Variants in SLC27A2 observed in about 807,000 individuals in gnomAD.
The protein encoded by SLC27A2 is solute carrier family 27 member 2.
In SLC27A2, 54 loss-of-function variants were observed where a neutral mutation model predicts 60.0. That is an observed-to-expected ratio of 0.90 (90% CI 0.72 to 1.13). The LOEUF (loss-of-function observed/expected upper bound fraction) is 1.13, where lower values mean the gene tolerates loss of function less well. Ranked by LOEUF, SLC27A2 falls within the 50% of genes most tolerant of loss-of-function variation. SLC27A2 has a pLI of 0.00. For missense variants in SLC27A2, 739 were observed against 777.6 expected, an observed-to-expected ratio of 0.95 and a Z score of 0.59; for synonymous variants, 297 against 297.6, an observed-to-expected ratio of 1.00 and a Z score of 0.02.
chr15:50,213,514 C>T (rs937964580), intron 4 of SLC27A2, among the ~76,000 whole-genome samples: 1 of 152,156 alleles, frequency 6.6e-6, no homozygotes, highest in African/African-American at 2.4e-5. Flanking sequence ...TTCTATTCAA[C>T]AGCGCATAAC....
intron 4 of SLC27A2, among the ~76,000 whole-genome samples, chr15:50,205,824 A>C (rs2045108029): frequency 6.6e-6 from 1 of 152,064 alleles, no homozygotes. Context: ...AATATCTTTG[A>C]TGGCTGGAAC....
chr15:50,199,489 A>G (rs1042006242), intron 2 of SLC27A2, among the ~76,000 whole-genome samples: 1 of 151,698 alleles, frequency 6.6e-6, no homozygotes. Context: ...AAAAAAAAAA[A>G]AAAGAAAGAA....
intron 4 of SLC27A2, among the ~76,000 whole-genome samples, chr15:50,220,514 A>G (rs2045234966): frequency 6.6e-6 from 1 of 152,242 alleles, no homozygotes; most frequent in South Asian, 2.1e-4. Flanking sequence ...TGCATGTGGG[A>G]TAAGTAAGAC....
At chr15:50,185,219 T>C (rs2044911109) in intron 1 of SLC27A2, among the ~76,000 whole-genome samples, 1 of 152,202 alleles carries the variant, frequency 6.6e-6, no homozygotes, top group African/African-American at 2.4e-5. Context: ...AGCTAACAGT[T>C]GTCTGCCATA....
At chr15:50,212,814 C>A (rs1005424090) in intron 4 of SLC27A2, among the ~76,000 whole-genome samples, 9 of 152,140 alleles carry the variant, frequency 5.9e-5, no homozygotes, top group African/African-American at 1.9e-4. Flanking sequence ...ACAAATCCTG[C>A]AAACACATCA....
intron 4 of SLC27A2, among the ~76,000 whole-genome samples, chr15:50,209,296 G>A (rs946974792): frequency 6.6e-6 from 1 of 152,124 alleles, no homozygotes; most frequent in Admixed American, 6.5e-5. Context: ...GAGAATGGAT[G>A]GATCTGTTGC....
At chr15:50,234,294 A>G (rs1213477637) in intron 9 of SLC27A2, among the ~76,000 whole-genome samples, 1 of 152,058 alleles carries the variant, frequency 6.6e-6, no homozygotes, top group African/African-American at 2.4e-5. Flanking sequence ...AAAAATGAAA[A>G]TTTTTAAAAA....
chr15:50,186,604 AT>A (rs1438690151), intron 1 of SLC27A2, among the ~76,000 whole-genome samples: 1 of 152,084 alleles, frequency 6.6e-6, no homozygotes. Context: ...TGCCCAGCTA[AT>A]TTTTGTTATT....
chr15:50,219,473 C>T (rs1245412366), intron 4 of SLC27A2, among the ~76,000 whole-genome samples: 3 of 150,568 alleles, frequency 2.0e-5, no homozygotes, highest in Non-Finnish European at 4.4e-5. Context: ...TATTGGTGGG[C>T]ATGAGTAAGG....
chr15:50,217,878 A>AC (rs1393528248), intron 4 of SLC27A2, among the ~76,000 whole-genome samples: 2 of 151,940 alleles, frequency 1.3e-5, no homozygotes, highest in Admixed American at 1.3e-4. Context: ...ACATGGTGAA[A>AC]CCCCATCTCT....
chr15:50,185,270 A>T (rs1465801232), intron 1 of SLC27A2, among the ~76,000 whole-genome samples: 1 of 152,234 alleles, frequency 6.6e-6, no homozygotes, highest in East Asian at 1.9e-4. Flanking sequence ...GAATTTCTAT[A>T]TTAAACTCAA....
At position 50,210,759 on chromosome 15, in the gene SLC27A2, G is replaced by A. The variant is rs561466299; in HGVS notation, c.972+5396G>A. On this transcript the variant is annotated intron_variant, in intron 4 of 9. Coordinates refer to ENST00000267842, the MANE Select transcript of SLC27A2 (RefSeq NM_003645.4). ...TTGGGCAAGTTTTCAAGCCTGACTC[G>A]CCCTCCACCTGGAAACAGACTCGGG... Among the ~76,000 whole-genome samples the A allele has an allele frequency of 7.2e-5, 11 of 152,258 alleles. No individual in the cohort carries two copies. In the East Asian group the frequency reaches 9.7e-4, roughly 13 times the overall value.
At chr15:50,220,292 G>A (rs547461229) in intron 4 of SLC27A2, among the ~76,000 whole-genome samples, 3 of 152,288 alleles carry the variant, frequency 2.0e-5, no homozygotes, top group South Asian at 2.1e-4. Flanking sequence ...ACTAATTATT[G>A]AACAGGGAGT....
At chr15:50,194,898 C>T (rs1197340473) in intron 1 of SLC27A2, among the ~76,000 whole-genome samples, 4 of 152,078 alleles carry the variant, frequency 2.6e-5, no homozygotes, top group Non-Finnish European at 2.9e-5. Flanking sequence ...TACTTGGCTC[C>T]GTGGTGAATA....
chr15:50,212,284 C>A lies in SLC27A2; in HGVS notation c.972+6921C>A, dbSNP rs542613918. Among the ~76,000 whole-genome samples, 9 of 152,096 alleles carry A rather than the reference C, an allele frequency of 5.9e-5. No homozygotes were observed. In the South Asian group the frequency reaches 1.7e-3, roughly 28 times the overall value. ...AATAAGGAAATATGAACAAAGCCTC[C>A]AAGAAGTCTAGGATTAAAAGACCAA... On this transcript the variant is annotated intron_variant, in intron 4 of 9. Transcript: ENST00000267842.
chr15:50,196,266 G>T (rs561215736), intron 1 of SLC27A2, among the ~76,000 whole-genome samples: 42 of 150,594 alleles, frequency 2.8e-4, no homozygotes, highest in Non-Finnish European at 4.3e-4. Context: ...TAACATTTTT[G>T]ACCTTAACCC....
intron 1 of SLC27A2, among the ~76,000 whole-genome samples, chr15:50,194,470 C>A (rs8024818): frequency 0.85 from 130,014 of 152,070 alleles, 56,198 homozygotes; most frequent in East Asian, 0.95. Flanking sequence ...ACAGAAAGCA[C>A]GCAGGAGTGG....
chr15:50,215,582 C>T (rs1276432303), intron 4 of SLC27A2, among the ~76,000 whole-genome samples: 3 of 152,102 alleles, frequency 2.0e-5, no homozygotes, highest in Non-Finnish European at 4.4e-5. Context: ...AGGCCATAGT[C>T]ACCAAAACAG....
Position 50,197,572 on chromosome 15 carries a change from G to A in SLC27A2, c.551G>A (p.Arg184Lys). The A allele has an allele frequency of 1.9e-6, 3 of 1,614,002 alleles. No individual in the cohort carries two copies. Among genetic ancestry groups the A allele is most frequent in the South Asian group, 2.2e-5 (2 of 91,080 alleles). ...GATGTGTCCATCTATTATGTGAGCA[G>A]AACTTCTAACACAGATGGGATTGAC... Reference protein sequence around the residue: ...KDDVSIYYVSRTSNTDGIDSF... With the variant: ...KDDVSIYYVSKTSNTDGIDSF... Residue 184 changes from arginine to lysine, a missense_variant, in exon 2 of 10, where the codon AGA (arginine) becomes AAA (lysine). By Grantham distance (26) the Arg-to-Lys change is conservative (BLOSUM62 2). Coordinates refer to ENST00000267842, the MANE Select transcript of SLC27A2 (RefSeq NM_003645.4).
Sources: gnomAD v4.1 joint callset for allele counts (sites outside exome capture counted in the v4.1 genomes callset) on GRCh38, gnomAD v4.1.1 for gene constraint, MANE v1.5 for transcripts, NCBI Gene and HGNC (gene_info 2026-07-23, HGNC 2026-07-21) for gene names.